ABCC1: variants seen among roughly 807,000 people sequenced by gnomAD.
ABCC1 encodes the protein multidrug resistance-associated protein 1.
Under a neutral mutation model 172.9 loss-of-function variants are expected in ABCC1, and 83 were observed. The observed-to-expected ratio is 0.48, with a 90% CI of 0.40 to 0.58. The LOEUF (loss-of-function observed/expected upper bound fraction) is 0.58. Ranked by LOEUF, ABCC1 falls within the 20% of genes least tolerant of loss-of-function variation. ABCC1 has a pLI of 0.00. For synonymous variants in ABCC1, 937 were observed against 825.2 expected (o/e 1.14, Z -2.32); for missense variants, 1,817 against 2,002.7 (o/e 0.91, Z 1.77).
At position 16,086,914 on chromosome 16, in the gene ABCC1, C is replaced by T; in HGVS notation, c.2383C>T (p.Leu795Phe). 6.2e-7 allele frequency: 1 copy of T among 1,614,224 alleles called. No individual in the cohort carries two copies. The highest frequency in any genetic ancestry group is 2.2e-5 in the East Asian group (1 of 44,882). The change falls in exon 18 of 31, where the codon CTC becomes TTC. Residue 795 changes from leucine to phenylalanine, a missense_variant. Physicochemically the swap from Leu to Phe is conservative, Grantham distance 22 (BLOSUM62 0). This residue lies in a region of ABCC1 where 1,412 missense variants were observed against 1,600.3 expected (regional missense o/e 0.88). Transcript: ENST00000399410. ...NADIYLFDDP[L>F]SAVDAHVGKH... ...TGACATTTACCTCTTCGATGATCCC[C>T]TCTCAGCAGTGGATGCCCATGTGGG...
At position 16,090,593 on chromosome 16, in the gene ABCC1, G is replaced by T; in HGVS notation, c.2644+5G>T. 6.3e-7 allele frequency: 1 copy of T among 1,576,828 alleles called. No homozygotes were observed. Among genetic ancestry groups the T allele is most frequent in the African/African-American group, 1.4e-5 (1 of 74,042 alleles). On this transcript the variant is annotated splice_donor_5th_base_variant and intron_variant, in intron 19 of 30. Coordinates refer to ENST00000399410, the MANE Select transcript of ABCC1 (RefSeq NM_004996.4). ...AGCAGGATGCAGAGGAGAACGGTAGGGGCAGCCCCAGGGTTCCACCCACTC... is the reference window on the plus strand; with the variant it reads ...AGCAGGATGCAGAGGAGAACGGTAGTGGCAGCCCCAGGGTTCCACCCACTC...
rs2047975415 is a variant in ABCC1, at chr16:16,015,879, G to A, written c.490-617G>A. 2.0e-5 allele frequency among the ~76,000 whole-genome samples: 3 copies of A among 152,188 alleles called. No individual in the cohort carries two copies. In the South Asian group the frequency reaches 6.2e-4, roughly 32 times the overall value. On this transcript the variant is annotated intron_variant, in intron 4 of 30. Transcript: ENST00000399410. ...TCACCCCTGGTTAAGAACCACCGGT[G>A]GTTTATAGGTGGGGAATCTGAGGCA...
At chr16:16,049,484 T>G (rs564615229) in intron 10 of ABCC1, among the ~76,000 whole-genome samples, 17 of 152,318 alleles carry the variant, frequency 1.1e-4, no homozygotes, top group Admixed American at 9.2e-4. Context: ...TGTGCTTTGC[T>G]ACCTCTGGAT....
intron 26 of ABCC1, among the ~76,000 whole-genome samples, chr16:16,129,427 T>A (rs2045584190): frequency 6.6e-6 from 1 of 152,072 alleles, no homozygotes; most frequent in East Asian, 1.9e-4. Flanking sequence ...GGCAGATGGA[T>A]CACTTGAGCC....
At chr16:16,059,428 A>C (rs1399514738) in intron 12 of ABCC1, among the ~76,000 whole-genome samples, 1 of 152,206 alleles carries the variant, frequency 6.6e-6, no homozygotes, top group Non-Finnish European at 1.5e-5. Context: ...CCTGTAAAAA[A>C]GTATTTAGAG....
At chr16:16,113,404 CCAA>C (rs1399700790) in intron 22 of ABCC1, among the ~76,000 whole-genome samples, 1 of 152,152 alleles carries the variant, frequency 6.6e-6, no homozygotes, top group East Asian at 1.9e-4. Context: ...GCCTGTAACC[CCAA>C]CACTTTGAGA....
At chr16:16,066,380 C>T (rs537626850) in intron 12 of ABCC1, among the ~76,000 whole-genome samples, 1 of 151,690 alleles carries the variant, frequency 6.6e-6, no homozygotes, top group Non-Finnish European at 1.5e-5. Context: ...GGAGTTTCTC[C>T]ATGTTGGTCA....
chr16:15,989,632 G>C (rs2046815194), intron 1 of ABCC1, among the ~76,000 whole-genome samples: 1 of 152,002 alleles, frequency 6.6e-6, no homozygotes, highest in Admixed American at 6.6e-5. Flanking sequence ...GTCCCTCCAA[G>C]CCCCGTCTGT....
At chr16:15,962,265 C>T (rs988066084) in intron 1 of ABCC1, among the ~76,000 whole-genome samples, 5 of 152,178 alleles carry the variant, frequency 3.3e-5, no homozygotes, top group Non-Finnish European at 4.4e-5. Flanking sequence ...AAATTTTAAA[C>T]ATCTTTGGAC....
chr16:16,097,915 G>A (rs2051554347), intron 19 of ABCC1: 1 of 152,344 alleles, frequency 6.6e-6, no homozygotes, highest in Admixed American at 6.5e-5. Flanking sequence ...TAATGGATAT[G>A]ACCCACTTCA....
intron 5 of ABCC1, among the ~76,000 whole-genome samples, chr16:16,032,678 G>T (rs964060561): frequency 6.6e-6 from 1 of 152,166 alleles, no homozygotes; most frequent in Non-Finnish European, 1.5e-5. Context: ...TGAGTAAAGT[G>T]GGGACAATAG....
At chr16:15,988,216 C>T (rs959325458) in intron 1 of ABCC1, among the ~76,000 whole-genome samples, 1 of 152,174 alleles carries the variant, frequency 6.6e-6, no homozygotes, top group African/African-American at 2.4e-5. Flanking sequence ...CTGTGCCTGG[C>T]TCAATCCTGT....
intron 29 of ABCC1, 23 bp downstream of exon 29, chr16:16,136,667 A>G: frequency 6.2e-7 from 1 of 1,612,778 alleles, no homozygotes; most frequent in Non-Finnish European, 8.5e-7. Context: ...GAACAAGGAG[A>G]CACCGGGTAA....
At chr16:16,104,936 A>G (rs2052003572) in intron 20 of ABCC1, among the ~76,000 whole-genome samples, 1 of 152,088 alleles carries the variant, frequency 6.6e-6, no homozygotes, top group African/African-American at 2.4e-5. Context: ...GGGTCCACCG[A>G]GCCGACGCCC....
intron 5 of ABCC1, among the ~76,000 whole-genome samples, chr16:16,017,190 C>G (rs1321605975): frequency 6.6e-6 from 1 of 152,130 alleles, no homozygotes; most frequent in Non-Finnish European, 1.5e-5. Flanking sequence ...ACCGTTTCTG[C>G]TAGTAGAACA....
intron 5 of ABCC1, among the ~76,000 whole-genome samples, chr16:16,017,012 G>C (rs1182742255): frequency 2.0e-5 from 3 of 152,144 alleles, no homozygotes; most frequent in Non-Finnish European, 4.4e-5. Flanking sequence ...CTGAGGAGTT[G>C]CTGGAGTCCC....
chr16:16,040,866 G>A (rs983842440), intron 7 of ABCC1, among the ~76,000 whole-genome samples: 1 of 152,076 alleles, frequency 6.6e-6, no homozygotes, highest in South Asian at 2.1e-4. Context: ...GGGAGACCAG[G>A]GTGGGAACCT....
At chr16:16,106,910 G>A (rs769432849) in intron 21 of ABCC1, 37 bp downstream of exon 21, 2 of 1,612,938 alleles carry the variant, frequency 1.2e-6, no homozygotes, top group African/African-American at 1.3e-5. Context: ...AGTGGCTGGA[G>A]TTTATAGAGC....
At chr16:16,072,497 T>C (rs1442612164) in intron 14 of ABCC1, among the ~76,000 whole-genome samples, 8 of 150,536 alleles carry the variant, frequency 5.3e-5, no homozygotes, top group African/African-American at 2.0e-4. Context: ...TTTTTTTTTT[T>C]CAATATTAAA....
Sources: gnomAD v4.1 joint callset for allele counts (sites outside exome capture counted in the v4.1 genomes callset) on GRCh38, gnomAD v4.1.1 for gene constraint, gnomAD v4.1.1 regional missense constraint, MANE v1.5 for transcripts, NCBI Gene and HGNC (gene_info 2026-07-23, HGNC 2026-07-21) for gene names.